The following CTNNA3 variants were observed in gnomAD, a reference collection of about 807,000 sequenced individuals.
CTNNA3 encodes catenin alpha 3.
In CTNNA3, 76 loss-of-function variants were observed where a neutral mutation model predicts 95.7. That is an observed-to-expected ratio of 0.79 (90% CI 0.66 to 0.96). The LOEUF (loss-of-function observed/expected upper bound fraction) is 0.96, where lower values mean the gene tolerates loss of function less well. Ranked by LOEUF, CTNNA3 falls within the 40% of genes least tolerant of loss-of-function variation. The pLI is 0.00. For missense variants in CTNNA3, 1,191 were observed against 1,089.8 expected (o/e 1.09, Z -1.31); for synonymous variants, 431 against 374.4 (o/e 1.15, Z -1.74).
chr10:67,549,016 T>C (rs1190821740), intron 3 of CTNNA3, among the ~76,000 whole-genome samples: 1 of 152,158 alleles, frequency 6.6e-6, no homozygotes, highest in African/African-American at 2.4e-5. Flanking sequence ...CATTCTATCA[T>C]AAATATAATC....
intron 9 of CTNNA3, among the ~76,000 whole-genome samples, chr10:66,655,267 C>G (rs1360543962): frequency 2.0e-5 from 3 of 152,028 alleles, no homozygotes; most frequent in Non-Finnish European, 4.4e-5. Context: ...ATAGTTACCT[C>G]TTTAAAGATA....
intron 5 of CTNNA3, among the ~76,000 whole-genome samples, chr10:67,434,926 A>G (rs1390427454): frequency 1.3e-5 from 2 of 152,018 alleles, no homozygotes; most frequent in Admixed American, 6.6e-5. Context: ...AGTACCTGTG[A>G]AATCAGAAAG....
chr10:66,785,079 G>GT (rs1165063373), intron 7 of CTNNA3, among the ~76,000 whole-genome samples: 1 of 152,122 alleles, frequency 6.6e-6, no homozygotes, highest in Non-Finnish European at 1.5e-5. Context: ...GGGTCACCTT[G>GT]TTTTTTTGTT....
At chr10:67,727,831 A>G (rs148574582) in intron 1 of CTNNA3, among the ~76,000 whole-genome samples, 3,116 of 114,958 alleles carry the variant, frequency 0.027, 63 homozygotes, top group Non-Finnish European at 0.039. Context: ...ATTATATTAC[A>G]TATAATATAG....
At chr10:67,483,703 A>G (rs1405577276) in intron 5 of CTNNA3, among the ~76,000 whole-genome samples, 2 of 151,654 alleles carry the variant, frequency 1.3e-5, no homozygotes, top group Admixed American at 1.3e-4. Context: ...GCACATGTAT[A>G]CATATGTAAC....
At chr10:66,780,241 A>G (rs149329684) in intron 7 of CTNNA3, among the ~76,000 whole-genome samples, 1,550 of 152,224 alleles carry the variant, frequency 0.01, 21 homozygotes, top group African/African-American at 0.036. Context: ...TCAGTCCATT[A>G]TATCAAACCG....
intron 5 of CTNNA3, among the ~76,000 whole-genome samples, chr10:67,407,602 A>G (rs1217874864): frequency 6.6e-6 from 1 of 152,216 alleles, no homozygotes; most frequent in East Asian, 1.9e-4. Context: ...TGTGTATTCA[A>G]ATAGGAAAGG....
rs115457777 is a variant in CTNNA3 at position 67,614,735 on chromosome 10, G to A, written c.100-7686C>T. ...CAGTTGGGGTACTCAACTGGTACTG[G>A]CACTGGAGGCCTAGGGGTTGGGGAC... On this transcript the variant is annotated intron_variant, in intron 2 of 17. Transcript: ENST00000433211. 3.0e-3 allele frequency among the ~76,000 whole-genome samples: 461 copies of A among 152,290 alleles called. 3 individuals are homozygous for A. The highest frequency in any genetic ancestry group is 0.011 in the African/African-American group (438 of 41,552).
At chr10:67,329,286 G>A (rs781570389) in intron 5 of CTNNA3, among the ~76,000 whole-genome samples, 8 of 152,208 alleles carry the variant, frequency 5.3e-5, no homozygotes, top group African/African-American at 1.2e-4. Flanking sequence ...CAGGAGGATC[G>A]CTTCAACCCA....
Position 67,440,813 on chromosome 10 carries a change from C to A in CTNNA3, c.579+81029G>T, listed in dbSNP as rs4403693. ...CAAATCCCTTCAAATACCTGGGAAG[C>A]CTTTCCAAGAAAGATGGGCACAAAC... On this transcript the variant is annotated intron_variant, in intron 5 of 17. Transcript: ENST00000433211. Among the ~76,000 whole-genome samples the A allele has an allele frequency of 0.026, 3,997 of 152,016 alleles. 372 individuals are homozygous for A. In the East Asian group the frequency reaches 0.34, roughly 13 times the overall value.
At chr10:66,591,274 A>G (rs982139053) in intron 10 of CTNNA3, among the ~76,000 whole-genome samples, 7 of 152,144 alleles carry the variant, frequency 4.6e-5, no homozygotes, top group Non-Finnish European at 1.0e-4. Flanking sequence ...AGTGGTATAT[A>G]AAACATATTT....
intron 12 of CTNNA3, among the ~76,000 whole-genome samples, chr10:66,351,935 T>A (rs192946968): frequency 2.0e-5 from 3 of 152,126 alleles, no homozygotes; most frequent in Admixed American, 2.0e-4. Context: ...CAATTTCACA[T>A]GCATCCAAAC....
intron 15 of CTNNA3, among the ~76,000 whole-genome samples, chr10:66,043,384 G>A (rs1327750950): frequency 6.6e-6 from 1 of 152,080 alleles, no homozygotes; most frequent in Non-Finnish European, 1.5e-5. Context: ...AGAGCACTGT[G>A]GAGTTACTCA....
chr10:66,639,941 T>C (rs1390559610), intron 9 of CTNNA3, among the ~76,000 whole-genome samples: 1 of 152,140 alleles, frequency 6.6e-6, no homozygotes, highest in Non-Finnish European at 1.5e-5. Context: ...TCTACAATTA[T>C]ACTACGGATG....
At chr10:67,106,135 G>A (rs551499730) in intron 7 of CTNNA3, among the ~76,000 whole-genome samples, 12 of 152,298 alleles carry the variant, frequency 7.9e-5, no homozygotes, top group African/African-American at 2.9e-4. Context: ...TTTGGATCCA[G>A]TTATGGGATA....
intron 7 of CTNNA3, among the ~76,000 whole-genome samples, chr10:66,967,449 CAATT>C (rs1849492870): frequency 1.3e-5 from 2 of 151,592 alleles, no homozygotes; most frequent in African/African-American, 4.8e-5. Flanking sequence ...ATATGAATTA[CAATT>C]AATTAATCAA....
chr10:66,711,028 T>C (rs1848273835), intron 9 of CTNNA3, among the ~76,000 whole-genome samples: 1 of 152,042 alleles, frequency 6.6e-6, no homozygotes, highest in South Asian at 2.1e-4. Context: ...TTTTTTCTTC[T>C]AGTTATAGAT....
At chr10:67,271,087 G>A (rs953639803) in intron 5 of CTNNA3, among the ~76,000 whole-genome samples, 3 of 152,214 alleles carry the variant, frequency 2.0e-5, no homozygotes, top group Admixed American at 6.6e-5. Context: ...GAACAAACAG[G>A]CGGCTTTATC....
chr10:66,472,787 T>C (rs1839183260), intron 11 of CTNNA3, among the ~76,000 whole-genome samples: 1 of 152,024 alleles, frequency 6.6e-6, no homozygotes, highest in South Asian at 2.1e-4. Flanking sequence ...GGTTAGTAAG[T>C]TGTTTTAGAA....
Sources: gnomAD v4.1 joint callset for allele counts (sites outside exome capture counted in the v4.1 genomes callset) on GRCh38, gnomAD v4.1.1 for gene constraint, MANE v1.5 for transcripts, NCBI Gene and HGNC (gene_info 2026-07-23, HGNC 2026-07-21) for gene names.